FOXP2: variants seen among roughly 807,000 people sequenced by gnomAD.
FOXP2 encodes the protein forkhead box P2, also known as forkhead box protein P2.
FOXP2 carries 12 observed loss-of-function variants against 115.8 expected under a neutral mutation model. The observed-to-expected ratio is 0.10, with a 90% confidence interval of 0.07 to 0.17. The LOEUF (loss-of-function observed/expected upper bound fraction) is 0.17. FOXP2 is among the 10% of genes least tolerant of loss of function. The pLI is 1.00. For missense variants in FOXP2, 629 were observed against 843.5 expected, an observed-to-expected ratio of 0.75 and a Z score of 3.15; for synonymous variants, 328 against 297.7, an observed-to-expected ratio of 1.10 and a Z score of -1.05.
chr7:114,682,091 C>T (rs1009926813), intron 16 of FOXP2, among the ~76,000 whole-genome samples: 5 of 151,986 alleles, frequency 3.3e-5, no homozygotes, highest in Non-Finnish European at 1.5e-5. Flanking sequence ...ACCCTTATAA[C>T]GAGTGTATAA....
upstream of FOXP2, among the ~76,000 whole-genome samples, chr7:114,158,058 A>G (rs1305912199): frequency 6.6e-6 from 1 of 152,144 alleles, no homozygotes; most frequent in Admixed American, 6.6e-5. Context: ...GAATCAGAAT[A>G]TTCAAGTGAA....
chr7:114,608,977 T>C (rs920377968), intron 3 of FOXP2, among the ~76,000 whole-genome samples: 1 of 151,914 alleles, frequency 6.6e-6, no homozygotes. Flanking sequence ...GGCGGGCGGA[T>C]CACCTGAGGT....
At chr7:114,508,061 A>G (rs765895549) in intron 2 of FOXP2, among the ~76,000 whole-genome samples, 2 of 152,068 alleles carry the variant, frequency 1.3e-5, no homozygotes, top group East Asian at 1.9e-4. Context: ...TAAATAGGAC[A>G]TATTTCTCAC....
At chr7:114,686,388 G>T (rs1808366613) in intron 16 of FOXP2, among the ~76,000 whole-genome samples, 1 of 152,134 alleles carries the variant, frequency 6.6e-6, no homozygotes. Flanking sequence ...GGCCAGACTG[G>T]TCTTGAACCC....
At chr7:114,670,178 T>C (rs1563070997) in intron 16 of FOXP2, among the ~76,000 whole-genome samples, 1 of 152,030 alleles carries the variant, frequency 6.6e-6, no homozygotes, top group Non-Finnish European at 1.5e-5. Context: ...TGATTATTAT[T>C]TTCTCCTGTT....
chr7:114,267,531 A>C (rs1485467704), intron 1 of FOXP2, among the ~76,000 whole-genome samples: 1 of 151,780 alleles, frequency 6.6e-6, no homozygotes, highest in African/African-American at 2.4e-5. Flanking sequence ...GATCGAGACC[A>C]TCCTGGCTAA....
At chr7:114,122,973 C>G (rs1791607609) in intron 1 of FOXP2, among the ~76,000 whole-genome samples, 1 of 151,850 alleles carries the variant, frequency 6.6e-6, no homozygotes, top group South Asian at 2.1e-4. Flanking sequence ...TGTTTTGCAG[C>G]TGACGATTGG....
rs1034461641 is a variant in FOXP2 at position 114,693,521 on chromosome 7, G to T, written c.*3595G>T. On this transcript the variant is annotated 3_prime_UTR_variant, in exon 17 of 17. Transcript: ENST00000350908. ...ACAATAGCTTTATTAAGTCTATAAA[G>T]CTATTGAAAGGAACATGGCTTACCC... 1 of 452,808 alleles carries T rather than the reference G, an allele frequency of 2.2e-6. No individual in the cohort carries two copies. Among genetic ancestry groups the T allele is most frequent in the Non-Finnish European group, 4.4e-6 (1 of 226,230 alleles). 28.0% of individuals were successfully genotyped at this position (452,808 alleles called of 1,614,324 possible). A position where few individuals can be genotyped will look rare whatever the true frequency, so the allele number is the denominator to read the frequency against.
intron 1 of FOXP2, among the ~76,000 whole-genome samples, chr7:114,134,985 T>C (rs1791999766): frequency 6.6e-6 from 1 of 152,234 alleles, no homozygotes; most frequent in Non-Finnish European, 1.5e-5. Flanking sequence ...CTTTCCTTTC[T>C]TCACTGTTAT....
intron 3 of FOXP2, among the ~76,000 whole-genome samples, chr7:114,593,349 A>G (rs1477074888): frequency 2.6e-5 from 4 of 151,980 alleles, no homozygotes; most frequent in Non-Finnish European, 1.5e-5. Flanking sequence ...TGCTGGTTCA[A>G]ATGTGAACAT....
chr7:114,239,213 A>G (rs1032785815), intron 1 of FOXP2, among the ~76,000 whole-genome samples: 8 of 151,938 alleles, frequency 5.3e-5, no homozygotes, highest in African/African-American at 1.9e-4. Context: ...ATCAAGTTCT[A>G]TATTTTTTTG....
At chr7:114,552,472 A>T (rs757291829) in intron 3 of FOXP2, among the ~76,000 whole-genome samples, 1 of 152,200 alleles carries the variant, frequency 6.6e-6, no homozygotes, top group Non-Finnish European at 1.5e-5. Context: ...CTTCTCAGTA[A>T]CATATATTTA....
chr7:114,520,704 T>C (rs1296959340), intron 2 of FOXP2, among the ~76,000 whole-genome samples: 1 of 152,112 alleles, frequency 6.6e-6, no homozygotes, highest in African/African-American at 2.4e-5. Context: ...AAAACATCAA[T>C]TTCTAACAAA....
intron 2 of FOXP2, among the ~76,000 whole-genome samples, chr7:114,339,925 G>C (rs1791159754): frequency 6.6e-6 from 1 of 151,036 alleles, no homozygotes; most frequent in Non-Finnish European, 1.5e-5. Flanking sequence ...GAATATAATT[G>C]AGTTTATGTT....
chr7:114,366,185 G>C (rs572738067), intron 2 of FOXP2, among the ~76,000 whole-genome samples: 3 of 152,210 alleles, frequency 2.0e-5, no homozygotes, highest in Admixed American at 1.3e-4. Context: ...AGTCTGTGTG[G>C]ATTTGGTCTA....
At chr7:114,254,954 G>A (rs748825293) in intron 1 of FOXP2, among the ~76,000 whole-genome samples, 1 of 152,144 alleles carries the variant, frequency 6.6e-6, no homozygotes, top group Non-Finnish European at 1.5e-5. Flanking sequence ...TGATGGTGAC[G>A]TACAGATGAG....
chr7:114,242,621 C>G (rs971876423), intron 1 of FOXP2, among the ~76,000 whole-genome samples: 8 of 152,098 alleles, frequency 5.3e-5, no homozygotes, highest in Non-Finnish European at 7.4e-5. Context: ...AAATTGGGAG[C>G]CAATGGCTCT....
At chr7:114,560,055 G>A (rs1047225397) in intron 3 of FOXP2, among the ~76,000 whole-genome samples, 2 of 152,052 alleles carry the variant, frequency 1.3e-5, no homozygotes, top group African/African-American at 4.8e-5. Flanking sequence ...TGTTAAGCTA[G>A]CCTTTCTTTT....
chr7:114,661,052 C>CTTT (rs3028481), intron 13 of FOXP2, among the ~76,000 whole-genome samples: 67 of 142,438 alleles, frequency 4.7e-4, no homozygotes, highest in Middle Eastern at 3.6e-3. Context: ...TCTGCTTATG[C>CTTT]TTTTTTTTTT....
Sources: allele counts gnomAD v4.1 joint callset (sites outside exome capture counted in the v4.1 genomes callset), GRCh38; gene constraint gnomAD v4.1.1; transcripts MANE v1.5; gene names NCBI Gene and HGNC (gene_info 2026-07-23, HGNC 2026-07-21).